ACTN1: variants seen among roughly 807,000 people sequenced by gnomAD.
ACTN1 encodes the protein alpha-actinin-1.
Under a neutral mutation model 119.6 loss-of-function variants are expected in ACTN1, and 30 were observed. That is an observed-to-expected ratio of 0.25 (90% CI 0.19 to 0.34). ACTN1 has a LOEUF of 0.34. Ranked by LOEUF, ACTN1 falls within the 10% of genes least tolerant of loss-of-function variation. ACTN1 has a pLI of 1.00. For missense variants in ACTN1, 764 were observed against 1,223.4 expected, an observed-to-expected ratio of 0.62 and a Z score of 5.60; for synonymous variants, 429 against 472.6, an observed-to-expected ratio of 0.91 and a Z score of 1.20.
intron 1 of ACTN1, among the ~76,000 whole-genome samples, chr14:68,960,556 T>C (rs997885655): frequency 6.6e-6 from 1 of 152,156 alleles, no homozygotes; most frequent in African/African-American, 2.4e-5. Flanking sequence ...TCTTTTAACA[T>C]TGTTTTCTTA....
chr14:68,916,269 G>A (rs991861655), intron 3 of ACTN1, among the ~76,000 whole-genome samples: 1 of 152,104 alleles, frequency 6.6e-6, no homozygotes, highest in African/African-American at 2.4e-5. Context: ...ACTCTGTGAC[G>A]GCCAAACTCC....
At chr14:68,899,807 G>C in intron 8 of ACTN1, among the ~76,000 whole-genome samples, 1 of 152,194 alleles carries the variant, frequency 6.6e-6, no homozygotes, top group East Asian at 1.9e-4. Context: ...GGAGCTTTGG[G>C]AAGAGGGGAA....
chr14:68,917,792 G>A (rs557873414), intron 3 of ACTN1, among the ~76,000 whole-genome samples: 5 of 152,366 alleles, frequency 3.3e-5, no homozygotes, highest in East Asian at 3.9e-4. Flanking sequence ...TCGTCGGGGC[G>A]TGGTGGCTTG....
chr14:68,930,508 C>T (rs569918408), intron 1 of ACTN1, among the ~76,000 whole-genome samples: 2 of 152,258 alleles, frequency 1.3e-5, no homozygotes, highest in Admixed American at 6.5e-5. Context: ...ATCAAGCATC[C>T]TTCATACCCT....
At chr14:68,930,961 T>A (rs943162808) in intron 1 of ACTN1, among the ~76,000 whole-genome samples, 2 of 152,126 alleles carry the variant, frequency 1.3e-5, no homozygotes, top group Non-Finnish European at 2.9e-5. Flanking sequence ...ACTTTACGAC[T>A]AAGGACACAA....
Position 68,874,969 on chromosome 14 carries a change from C to T in ACTN1, c.2635G>A (p.Ala879Thr), listed in dbSNP as rs753963391. 6.2e-7 allele frequency: 1 copy of T among 1,613,810 alleles called. No individual in the cohort carries two copies. Among genetic ancestry groups the T allele is most frequent in the South Asian group, 1.1e-5 (1 of 91,086 alleles). ...GCCATCCGCGCGATGCAGTACTCAG[C>T]CTGGTCGGGTGGCAGCTCGCGGCGC... ...ELRRELPPDQ[A>T]EYCIARMAPY... Residue 879 changes from alanine to threonine, a missense_variant, in exon 22 of 22, where the codon GCT becomes ACT. This residue lies in a region of ACTN1 where 102 missense variants were observed against 78.2 expected (regional missense o/e 1.30). Coordinates refer to ENST00000394419, the MANE Select transcript of ACTN1 (RefSeq NM_001130004.2).
chr14:68,891,230 C>A (rs1378234823), intron 10 of ACTN1, among the ~76,000 whole-genome samples: 1 of 152,168 alleles, frequency 6.6e-6, no homozygotes, highest in Non-Finnish European at 1.5e-5. Context: ...TGCGTCATGG[C>A]AAATTTCTTA....
chr14:68,906,533 G>C (rs1378225937), intron 6 of ACTN1, among the ~76,000 whole-genome samples: 1 of 152,204 alleles, frequency 6.6e-6, no homozygotes, highest in Non-Finnish European at 1.5e-5. Context: ...GATGAACACT[G>C]CCGAGTAGTC....
At chr14:68,902,609 C>T in intron 7 of ACTN1, 47 bp from the exon 8 acceptor site, 1 of 1,520,702 alleles carries the variant, frequency 6.6e-7, no homozygotes. Context: ...CCAAGAACAC[C>T]ATACACCCCC....
intron 1 of ACTN1, among the ~76,000 whole-genome samples, chr14:68,927,293 C>T (rs1025399210): frequency 1.3e-5 from 2 of 152,206 alleles, no homozygotes; most frequent in Non-Finnish European, 2.9e-5. Context: ...GCTGGACACA[C>T]ACCCATAGCA....
At chr14:68,975,453 A>G (rs2037029084) in intron 1 of ACTN1, among the ~76,000 whole-genome samples, 1 of 152,164 alleles carries the variant, frequency 6.6e-6, no homozygotes, top group Admixed American at 6.6e-5. Flanking sequence ...TAAGTAGGGA[A>G]TTGGAGACTC....
intron 1 of ACTN1, chr14:68,978,735 C>A (rs1249080049): frequency 2.7e-6 from 1 of 367,916 alleles, no homozygotes; most frequent in Non-Finnish European, 4.8e-6. Context: ...CCCCGCGCTC[C>A]GGCCCGGCGT....
intron 1 of ACTN1, among the ~76,000 whole-genome samples, chr14:68,930,268 T>C (rs528930770): frequency 6.6e-6 from 1 of 152,342 alleles, no homozygotes; most frequent in East Asian, 1.9e-4. Flanking sequence ...GAAGTACCCT[T>C]ATTCAGTAAA....
chr14:68,948,220 CACTT>C (rs5809407), intron 1 of ACTN1, among the ~76,000 whole-genome samples: 66,450 of 151,762 alleles, frequency 0.44, 15,236 homozygotes, highest in East Asian at 0.74. Context: ...CATTCACTGA[CACTT>C]ACCTACGCAC....
chr14:68,954,576 T>C (rs201171843), intron 1 of ACTN1, among the ~76,000 whole-genome samples: 1 of 152,312 alleles, frequency 6.6e-6, no homozygotes, highest in East Asian at 1.9e-4. Flanking sequence ...TCCGCCCACC[T>C]TGGCCTCCCA....
At chr14:68,906,881 G>A (rs2033694629) in intron 6 of ACTN1, among the ~76,000 whole-genome samples, 1 of 152,030 alleles carries the variant, frequency 6.6e-6, no homozygotes, top group Non-Finnish European at 1.5e-5. Flanking sequence ...CCAGCTACTT[G>A]GGAGGCTGAG....
At chr14:68,908,228 C>T (rs2033789181) in intron 6 of ACTN1, among the ~76,000 whole-genome samples, 1 of 152,124 alleles carries the variant, frequency 6.6e-6, no homozygotes, top group African/African-American at 2.4e-5. Context: ...AGCGGGTAGG[C>T]ATCTGCTCCT....
intron 1 of ACTN1, among the ~76,000 whole-genome samples, chr14:68,958,689 G>C (rs1315666423): frequency 1.3e-5 from 2 of 152,174 alleles, no homozygotes; most frequent in African/African-American, 4.8e-5. Context: ...ATTTATAGAG[G>C]CATTATCTAC....
chr14:68,931,854 T>C (rs898894584), intron 1 of ACTN1, among the ~76,000 whole-genome samples: 2 of 152,126 alleles, frequency 1.3e-5, no homozygotes, highest in African/African-American at 4.8e-5. Flanking sequence ...GGCTGTACAG[T>C]GTGCTACCTG....
Sources: allele counts gnomAD v4.1 joint callset (sites outside exome capture counted in the v4.1 genomes callset), GRCh38; gene constraint gnomAD v4.1.1; regional missense constraint gnomAD v4.1.1; transcripts MANE v1.5; gene names NCBI Gene and HGNC (gene_info 2026-07-23, HGNC 2026-07-21).